SHKBP1: variants seen among roughly 807,000 people sequenced by gnomAD.
SHKBP1 encodes SH3KBP1 binding protein 1, also known as SH3KBP1-binding protein 1.
Under a neutral mutation model 83.9 loss-of-function variants are expected in SHKBP1, and 71 were observed. That is an observed-to-expected ratio of 0.85 (90% CI 0.70 to 1.03). The LOEUF (loss-of-function observed/expected upper bound fraction) is 1.03. SHKBP1 is among the 50% of genes least tolerant of loss of function. The probability of loss-of-function intolerance (pLI) is 0.00; values close to 1 mark genes in which losing one functional copy is unlikely to be tolerated. For missense variants in SHKBP1, 824 were observed against 982.4 expected (o/e 0.84, Z 2.16); for synonymous variants, 371 against 398.0 (o/e 0.93, Z 0.81).
Position 40,582,363 on chromosome 19 carries a change from TG to T in SHKBP1, c.862del (p.Val288CysfsTer71), listed in dbSNP as rs759578540. ...GGGSEIGVFH[L>X]GVPVEALFFV... The stretch of plus-strand genomic sequence containing the variant: ...TTGCCCACTGCAGGGGTCTTTCATC[TG>T]GGGGTGCCTGTGGAGGCCTTGTTCT... On this transcript the variant is annotated frameshift_variant, in exon 10 of 18. Transcript: ENST00000291842. LOFTEE classifies it high-confidence loss of function. 6.2e-7 allele frequency: 1 copy of T among 1,614,140 alleles called. No homozygotes were observed. The highest frequency in any genetic ancestry group is 8.5e-7 in the Non-Finnish European group (1 of 1,180,002).
At chr19:40,586,442 T>C (rs2081312650) in intron 12 of SHKBP1, among the ~76,000 whole-genome samples, 2 of 151,564 alleles carry the variant, frequency 1.3e-5, no homozygotes, top group Non-Finnish European at 1.5e-5. Flanking sequence ...TCTTGGCTCA[T>C]TGCAACCTCT....
chr19:40,581,596 A>G (rs1356806428), intron 9 of SHKBP1, among the ~76,000 whole-genome samples: 1 of 151,966 alleles, frequency 6.6e-6, no homozygotes, highest in Non-Finnish European at 1.5e-5. Context: ...CTGTAGTTCC[A>G]GCACTTTGGG....
intron 6 of SHKBP1, 148 bp downstream of exon 6, chr19:40,578,690 G>A (rs575763794): frequency 1.4e-6 from 1 of 720,190 alleles, no homozygotes; most frequent in East Asian, 2.5e-5. Flanking sequence ...CTGATGCTTG[G>A]AAAGGAAGTT....
At position 40,590,514 on chromosome 19, in the gene SHKBP1, C is replaced by A; in HGVS notation, c.1768+92C>A. On this transcript the variant is annotated intron_variant, in intron 16 of 17. Transcript: ENST00000291842. The surrounding 1 kb of genome is among the most constrained non-coding windows in gnomAD (Gnocchi z 4.6). ...CCAACTGCTTGATCTCTCTCCCAGG[C>A]CCTTGCCCTCTGACCCCTTTTCCTT... 1.4e-6 allele frequency: 2 copies of A among 1,437,416 alleles called. No homozygotes were observed. Among genetic ancestry groups the A allele is most frequent in the Non-Finnish European group, 1.9e-6 (2 of 1,058,644 alleles). The allele number at this position is 1,437,416 out of a possible 1,614,324, so 89.0% of individuals were successfully genotyped here.
In SHKBP1 at chr19:40,583,390, A is replaced by AC. The variant is rs1326948338; in HGVS notation, c.961-3dup. The AC allele has an allele frequency of 6.4e-7, 1 of 1,566,646 alleles. No individual in the cohort carries two copies. Among genetic ancestry groups the AC allele is most frequent in the Non-Finnish European group, 8.7e-7 (1 of 1,155,230 alleles). ...TCCCGGCTGCAGCCTGTCCTGCCCC[A>AC]CCCCCAGGTCCAGGAGGTGCAGCCC... On this transcript the variant is annotated splice_region_variant and splice_polypyrimidine_tract_variant and intron_variant, in intron 10 of 17. Coordinates refer to ENST00000291842, the MANE Select transcript of SHKBP1 (RefSeq NM_138392.4).
In SHKBP1 at chr19:40,576,932, C is replaced by G; in HGVS notation, c.33C>G (p.Val11=). 6.7e-7 allele frequency: 1 copy of G among 1,489,110 alleles called. No homozygotes were observed. The highest frequency in any genetic ancestry group is 8.9e-7 in the Non-Finnish European group (1 of 1,124,116). 92.2% of individuals were successfully genotyped at this position (1,489,110 alleles called of 1,614,324 possible). Reference sequence around the variant, plus strand: ...CAGCGGCTACTGCAGCCGAGGGGGTCCCCAGTCGGGGGCCTCCCGGGGAAG... The same window carrying G: ...CAGCGGCTACTGCAGCCGAGGGGGTGCCCAGTCGGGGGCCTCCCGGGGAAG... MAAAATAAEG[V]PSRGPPGEVI... The change falls in exon 1 of 18, where the codon GTC becomes GTG. Residue 11 remains valine, a synonymous_variant. Coordinates refer to ENST00000291842, the MANE Select transcript of SHKBP1 (RefSeq NM_138392.4).
intron 12 of SHKBP1, 31 bp downstream of exon 12, chr19:40,583,748 G>A: frequency 1.9e-6 from 3 of 1,559,500 alleles, no homozygotes; most frequent in Admixed American, 1.7e-5. Flanking sequence ...CCCTGCTGCT[G>A]TCACCTGCCA....
chr19:40,586,697 G>A, intron 12 of SHKBP1, 77 bp from the exon 13 acceptor site: 2 of 1,360,760 alleles, frequency 1.5e-6, no homozygotes, highest in South Asian at 3.2e-5. Context: ...TCTCTGTTCT[G>A]TGCCTGTTTC....
chr19:40,578,914 G>T (rs1268138083), intron 6 of SHKBP1, among the ~76,000 whole-genome samples: 4 of 152,110 alleles, frequency 2.6e-5, no homozygotes, highest in Admixed American at 6.6e-5. Context: ...TGGAAGGTAT[G>T]CCCCAGTGGT....
intron 12 of SHKBP1, 84 bp from the exon 13 acceptor site, chr19:40,586,690 C>T (rs2145991775): frequency 1.5e-6 from 2 of 1,317,774 alleles, no homozygotes; most frequent in African/African-American, 1.5e-5. Flanking sequence ...GACTGTGTCT[C>T]TGTTCTGTGC....
Position 40,590,532 on chromosome 19 carries a change from T to A in SHKBP1, c.1768+110T>A. Reference sequence around the variant, plus strand: ...TCCCAGGCCCTTGCCCTCTGACCCCTTTTCCTTTGACCCCCTCTCTGCTCC... The same window carrying A: ...TCCCAGGCCCTTGCCCTCTGACCCCATTTCCTTTGACCCCCTCTCTGCTCC... On this transcript the variant is annotated intron_variant, in intron 16 of 17. Transcript: ENST00000291842. The surrounding 1 kb of genome is among the most constrained non-coding windows in gnomAD (Gnocchi z 4.6). 1 of 1,350,012 alleles carries A rather than the reference T, an allele frequency of 7.4e-7. No individual in the cohort carries two copies. The highest frequency in any genetic ancestry group is 1.5e-5 in the African/African-American group (1 of 68,272). 83.6% of individuals were successfully genotyped at this position (1,350,012 alleles called of 1,614,324 possible). A position where few individuals can be genotyped will look rare whatever the true frequency, so the allele number is the denominator to read the frequency against.
chr19:40,578,708 G>A (rs1027596576), intron 6 of SHKBP1, among the ~76,000 whole-genome samples, 166 bp downstream of exon 6: 2 of 152,144 alleles, frequency 1.3e-5, no homozygotes, highest in Non-Finnish European at 2.9e-5. Flanking sequence ...GTTGGACACA[G>A]CATTTCCCAT....
intron 13 of SHKBP1, among the ~76,000 whole-genome samples, chr19:40,587,361 G>A (rs534802591): frequency 1.3e-5 from 2 of 152,282 alleles, no homozygotes; most frequent in Non-Finnish European, 2.9e-5. Context: ...AGGCCAAGGC[G>A]GGTAGATTAC....
At chr19:40,588,858 C>A in intron 14 of SHKBP1, 79 bp downstream of exon 14, 1 of 1,550,138 alleles carries the variant, frequency 6.5e-7, no homozygotes, top group Non-Finnish European at 8.7e-7. Flanking sequence ...TTCCCACTTG[C>A]GGCCACCTGA....
intron 9 of SHKBP1, among the ~76,000 whole-genome samples, chr19:40,581,925 C>CT (rs58051153): frequency 0.11 from 15,854 of 145,328 alleles, 889 homozygotes; most frequent in African/African-American, 0.13. Context: ...GGAATCTTCA[C>CT]TTTTTTTTTT....
chr19:40,580,699 G>A (rs1320536564), intron 8 of SHKBP1, 43 bp downstream of exon 8: 4 of 1,613,744 alleles, frequency 2.5e-6, no homozygotes, highest in Admixed American at 1.7e-5. Flanking sequence ...CCCTGTTGAT[G>A]GGAAGGGCAT....
Position 40,577,409 on chromosome 19 carries a change from C to G in SHKBP1, c.154C>G (p.Arg52Gly). The G allele has an allele frequency of 6.2e-7, 1 of 1,613,800 alleles. No individual in the cohort carries two copies. The highest frequency in any genetic ancestry group is 8.5e-7 in the Non-Finnish European group (1 of 1,179,962). Residue 52 changes from arginine (R) to glycine (G), a missense_variant, in exon 3 of 18, where the codon CGC (arginine) becomes GGC (glycine). By Grantham distance (125) the Arg-to-Gly change is moderately radical. This residue lies in a region of SHKBP1 where 355 missense variants were observed against 386.4 expected (regional missense o/e 0.92). Coordinates refer to ENST00000291842, the MANE Select transcript of SHKBP1 (RefSeq NM_138392.4). ...CCTTCCCTGCAGTCTTCTGAGCGGA[C>G]GCATCTCGACGCTGAAAGATGAGAC... ...DSFFSSLLSG[R>G]ISTLKDETGA...
intron 4 of SHKBP1, 149 bp downstream of exon 4, chr19:40,577,779 C>T (rs367896052): frequency 5.8e-5 from 56 of 961,790 alleles, no homozygotes; most frequent in East Asian, 4.9e-4. Context: ...GGATTGCTCA[C>T]GCCTGTAATC....
rs1488579981 is a variant in SHKBP1, at chr19:40,580,767, G to A, written c.675G>A (p.Trp225Ter). The change falls in exon 9 of 18, where the codon TGG (tryptophan) becomes TGA (stop). Residue 225 changes from tryptophan (W) to a stop codon, truncating the protein, a stop_gained. Transcript: ENST00000291842. LOFTEE classifies it high-confidence loss of function. ...VCYRLKEASG[W>*]QLVFSSPRLD... Reference sequence around the variant, plus strand: ...ACAGGTTGAAGGAAGCCTCTGGCTGGCAGCTGGTGTTTTCCAGCCCCCGCC... The same window carrying A: ...ACAGGTTGAAGGAAGCCTCTGGCTGACAGCTGGTGTTTTCCAGCCCCCGCC... The A allele has an allele frequency of 6.2e-7, 1 of 1,610,764 alleles. No individual in the cohort carries two copies. The highest frequency in any genetic ancestry group is 1.3e-5 in the African/African-American group (1 of 74,830).
Sources: allele counts gnomAD v4.1 joint callset (sites outside exome capture counted in the v4.1 genomes callset), GRCh38; gene constraint gnomAD v4.1.1; regional missense constraint gnomAD v4.1.1; non-coding constraint Gnocchi (gnomAD v3.1); transcripts MANE v1.5; gene names NCBI Gene and HGNC (gene_info 2026-07-23, HGNC 2026-07-21).